MARCHF1: variants seen among roughly 807,000 people sequenced by gnomAD.
The protein encoded by MARCHF1 is E3 ubiquitin-protein ligase MARCHF1.
MARCHF1 carries 40 observed loss-of-function variants against 54.2 expected under a neutral mutation model. The observed-to-expected ratio is 0.74, with a 90% CI of 0.57 to 0.96. The LOEUF is 0.96. MARCHF1 is among the 40% of genes least tolerant of loss of function. MARCHF1 has a pLI of 0.00. For synonymous variants in MARCHF1, 236 were observed against 236.3 expected (o/e 1.00, Z 0.01); for missense variants, 586 against 656.5 (o/e 0.89, Z 1.17).
At chr4:163,983,497 A>G (rs1752801033) in intron 3 of MARCHF1, among the ~76,000 whole-genome samples, 2 of 152,300 alleles carry the variant, frequency 1.3e-5, no homozygotes, top group Non-Finnish European at 2.9e-5. Context: ...CTTATGAATC[A>G]TGGGCAGACA....
chr4:164,270,534 G>A (rs377602795), intron 1 of MARCHF1, among the ~76,000 whole-genome samples: 6 of 152,262 alleles, frequency 3.9e-5, no homozygotes, highest in South Asian at 2.1e-4. Context: ...TACTAGGTGT[G>A]CTCAATGAAT....
At chr4:163,782,144 T>C (rs1018357855) in intron 4 of MARCHF1, among the ~76,000 whole-genome samples, 4 of 152,130 alleles carry the variant, frequency 2.6e-5, no homozygotes, top group Admixed American at 6.5e-5. Flanking sequence ...AATGGCTTTT[T>C]CCCTCAAATC....
chr4:164,259,321 T>A (rs1579668482), intron 1 of MARCHF1, among the ~76,000 whole-genome samples: 1 of 151,272 alleles, frequency 6.6e-6, no homozygotes, highest in Admixed American at 6.6e-5. Context: ...GGCGGGTGGA[T>A]CATTTAAGGT....
intron 5 of MARCHF1, among the ~76,000 whole-genome samples, chr4:163,657,911 C>T (rs937867658): frequency 7.9e-5 from 12 of 151,788 alleles, no homozygotes; most frequent in African/African-American, 2.4e-4. Context: ...AAAAACTAAC[C>T]CAAGATGGAT....
At chr4:163,993,256 T>C (rs1208862056) in intron 2 of MARCHF1, among the ~76,000 whole-genome samples, 1 of 152,098 alleles carries the variant, frequency 6.6e-6, no homozygotes, top group East Asian at 1.9e-4. Flanking sequence ...AAATCTACAA[T>C]GTAATAAAGC....
At chr4:164,171,704 C>A (rs546594181) in intron 1 of MARCHF1, among the ~76,000 whole-genome samples, 1 of 152,214 alleles carries the variant, frequency 6.6e-6, no homozygotes, top group East Asian at 1.9e-4. Flanking sequence ...AACTTATCAT[C>A]AAGGTCCTCA....
chr4:163,860,821 C>T (rs140791552), intron 3 of MARCHF1, among the ~76,000 whole-genome samples: 4 of 152,246 alleles, frequency 2.6e-5, no homozygotes, highest in African/African-American at 9.6e-5. Context: ...CTAGAGTAAA[C>T]ATTAAATACA....
chr4:164,293,874 T>G (rs1734347089), intron 1 of MARCHF1, among the ~76,000 whole-genome samples: 1 of 152,166 alleles, frequency 6.6e-6, no homozygotes, highest in Admixed American at 6.5e-5. Context: ...GGATGCAAAG[T>G]TTCATTCCTG....
At chr4:163,617,726 G>A (rs1304323448) in intron 5 of MARCHF1, among the ~76,000 whole-genome samples, 1 of 152,082 alleles carries the variant, frequency 6.6e-6, no homozygotes, top group Non-Finnish European at 1.5e-5. Flanking sequence ...AGCAGGCACT[G>A]AGTAAAGGTC....
chr4:163,974,510 A>G (rs12507497), intron 3 of MARCHF1, among the ~76,000 whole-genome samples: 42,174 of 152,108 alleles, frequency 0.28, 6,607 homozygotes, highest in South Asian at 0.4. Context: ...GAATCTTTCC[A>G]GCTGAAGCCC....
intron 1 of MARCHF1, among the ~76,000 whole-genome samples, chr4:164,284,017 T>C (rs923870620): frequency 2.6e-5 from 4 of 151,014 alleles, no homozygotes; most frequent in Non-Finnish European, 4.4e-5. Flanking sequence ...CAACTGTATT[T>C]AACAATCAAG....
intron 4 of MARCHF1, among the ~76,000 whole-genome samples, chr4:163,843,686 C>T (rs1749404346): frequency 6.6e-6 from 1 of 152,024 alleles, no homozygotes; most frequent in African/African-American, 2.4e-5. Flanking sequence ...CTAATTCTCT[C>T]CCCCTGCCAC....
chr4:164,197,531 GT>G (rs1407492803), intron 1 of MARCHF1: 1 of 1,613,304 alleles, frequency 6.2e-7, no homozygotes, highest in African/African-American at 1.3e-5. Context: ...TTTAACTTTG[GT>G]AAGTCTGAGA....
intron 4 of MARCHF1, among the ~76,000 whole-genome samples, chr4:163,728,138 G>A (rs781318794): frequency 6.6e-6 from 1 of 152,204 alleles, no homozygotes; most frequent in Middle Eastern, 3.4e-3. Flanking sequence ...GCCACCACAC[G>A]CAGTTAAGTT....
intron 9 of MARCHF1, among the ~76,000 whole-genome samples, chr4:163,543,880 C>T (rs766767997): frequency 6.6e-6 from 1 of 152,102 alleles, no homozygotes; most frequent in Non-Finnish European, 1.5e-5. Flanking sequence ...AGGAGAAGAG[C>T]TCTGCAGTTT....
At chr4:163,859,329 A>T (rs1749856921) in intron 3 of MARCHF1, among the ~76,000 whole-genome samples, 1 of 150,436 alleles carries the variant, frequency 6.6e-6, no homozygotes, top group African/African-American at 2.5e-5. Flanking sequence ...TAGGGCTCTC[A>T]TTCTCTCCTC....
At chr4:164,351,763 ATGACTT>A (rs1303730521) in intron 1 of MARCHF1, among the ~76,000 whole-genome samples, 1 of 152,176 alleles carries the variant, frequency 6.6e-6, no homozygotes, top group African/African-American at 2.4e-5. Context: ...TGGATGGAGA[ATGACTT>A]TGATGAGCTG....
intron 4 of MARCHF1, among the ~76,000 whole-genome samples, chr4:163,725,084 C>T (rs1216983662): frequency 6.6e-5 from 10 of 152,244 alleles, no homozygotes; most frequent in Middle Eastern, 3.4e-3. Flanking sequence ...AGAAATCACC[C>T]GTCTGCGTCG....
chr4:163,881,378 G>A (rs1394935826), intron 3 of MARCHF1, among the ~76,000 whole-genome samples: 1 of 152,174 alleles, frequency 6.6e-6, no homozygotes, highest in Non-Finnish European at 1.5e-5. Flanking sequence ...GGCTGAGGCA[G>A]GAGAATCGCT....
Sources: gnomAD v4.1 joint callset for allele counts (sites outside exome capture counted in the v4.1 genomes callset) on GRCh38, gnomAD v4.1.1 for gene constraint, MANE v1.5 for transcripts, NCBI Gene and HGNC (gene_info 2026-07-23, HGNC 2026-07-21) for gene names.